The following BTNL8 variants were observed in gnomAD, a reference collection of about 807,000 sequenced individuals.
BTNL8 encodes butyrophilin-like protein 8.
BTNL8 carries 22 observed loss-of-function variants against 36.1 expected under a neutral mutation model. The ratio of observed to expected loss-of-function variants is 0.61; its 90% CI spans 0.44 to 0.87. BTNL8 has a LOEUF of 0.87. Ranked by LOEUF, BTNL8 falls within the 40% of genes least tolerant of loss-of-function variation. The probability of loss-of-function intolerance (pLI) is 0.00; values close to 1 mark genes in which losing one functional copy is unlikely to be tolerated. For missense variants in BTNL8, 526 were observed against 616.9 expected, an observed-to-expected ratio of 0.85 and a Z score of 1.56; for synonymous variants, 203 against 235.6, an observed-to-expected ratio of 0.86 and a Z score of 1.27.
intron 3 of BTNL8, among the ~76,000 whole-genome samples, chr5:180,914,480 G>A (rs1424254476): frequency 6.6e-6 from 1 of 152,158 alleles, no homozygotes; most frequent in African/African-American, 2.4e-5. Context: ...TGATTCAAAC[G>A]ATGATTTCTA....
chr5:180,908,701 C>A lies in BTNL8; in HGVS notation c.165C>A (p.Phe55Leu). The A allele has an allele frequency of 6.2e-7, 1 of 1,614,218 alleles. No homozygotes were observed. Among genetic ancestry groups the A allele is most frequent in the Non-Finnish European group, 8.5e-7 (1 of 1,180,034 alleles). The change falls in exon 2 of 8, where the codon TTC (phenylalanine) becomes TTA (leucine). Residue 55 changes from phenylalanine to leucine, a missense_variant. Physicochemically the swap from Phe to Leu is conservative, Grantham distance 22. Coordinates refer to ENST00000340184, the MANE Select transcript of BTNL8 (RefSeq NM_001040462.3). ...ATGCAGAGGCCATGGAAGTGCGGTTCTTCAGGGGCCAGTTCTCTAGCGTGG... is the reference window on the plus strand; with the variant it reads ...ATGCAGAGGCCATGGAAGTGCGGTTATTCAGGGGCCAGTTCTCTAGCGTGG... Reference protein sequence around the residue: ...KTNAEAMEVRFFRGQFSSVVH... With the variant: ...KTNAEAMEVRLFRGQFSSVVH...
chr5:180,925,350 A>G (rs532307753), intron 3 of BTNL8, among the ~76,000 whole-genome samples: 16 of 152,226 alleles, frequency 1.1e-4, no homozygotes, highest in Non-Finnish European at 1.8e-4. Context: ...ACCAAGATAT[A>G]TCATATTCCA....
chr5:180,900,838 C>T (rs1244642582), intron 1 of BTNL8, among the ~76,000 whole-genome samples: 1 of 152,234 alleles, frequency 6.6e-6, no homozygotes, highest in Non-Finnish European at 1.5e-5. Context: ...TAGATGGTGG[C>T]TCAGAGTCAT....
intron 2 of BTNL8, among the ~76,000 whole-genome samples, chr5:180,910,762 C>T (rs1001422516): frequency 1.3e-5 from 2 of 152,098 alleles, no homozygotes; most frequent in African/African-American, 2.4e-5. Flanking sequence ...TCTTAGTATC[C>T]AGTATCTTAC....
At chr5:180,941,102 A>AAGGG (rs1288570270) in intron 3 of BTNL8, among the ~76,000 whole-genome samples, 1,058 of 89,996 alleles carry the variant, frequency 0.012, 14 homozygotes, top group African/African-American at 0.032. Context: ...GGGAGGGAGG[A>AAGGG]AGGAAGGGAG....
chr5:180,927,538 TA>T (rs1358488287), intron 3 of BTNL8, among the ~76,000 whole-genome samples: 1 of 152,068 alleles, frequency 6.6e-6, no homozygotes, highest in African/African-American at 2.4e-5. Context: ...TCCTTTGAGC[TA>T]AAGGAGCATG....
At chr5:180,899,912 G>A (rs938800299) in intron 1 of BTNL8, among the ~76,000 whole-genome samples, 1 of 152,174 alleles carries the variant, frequency 6.6e-6, no homozygotes, top group Non-Finnish European at 1.5e-5. Flanking sequence ...TTGAGTGACT[G>A]AATACAATTC....
In BTNL8 at chr5:180,908,667, C is replaced by G. The variant is rs746214385; in HGVS notation, c.131C>G (p.Pro44Arg). 1 of 1,614,206 alleles carries G rather than the reference C, an allele frequency of 6.2e-7. No individual in the cohort carries two copies. The highest frequency in any genetic ancestry group is 8.5e-7 in the Non-Finnish European group (1 of 1,180,044). The part of the protein sequence containing the change: ...EDAAFSCFLS[P>R]KTNAEAMEVR... ...GCAGCATTCTCCTGTTTCCTGTCTC[C>G]TAAGACCAATGCAGAGGCCATGGAA... Residue 44 changes from proline (P) to arginine (R), a missense_variant, in exon 2 of 8, where the codon CCT (proline) becomes CGT (arginine). By Grantham distance (103) the Pro-to-Arg change is moderately radical. Around this residue, in one of 2 missense-constraint regions of BTNL8, gnomAD observed 350 missense variants for 324.6 expected, o/e 1.08. Transcript: ENST00000340184.
At position 180,908,675 on chromosome 5, in the gene BTNL8, A is replaced by G. The variant is rs1159793107; in HGVS notation, c.139A>G (p.Asn47Asp). ...CTCCTGTTTCCTGTCTCCTAAGACC[A>G]ATGCAGAGGCCATGGAAGTGCGGTT... ...AFSCFLSPKTNAEAMEVRFFR... is the reference protein window; with the variant it reads ...AFSCFLSPKTDAEAMEVRFFR... Residue 47 changes from asparagine (N) to aspartate (D), a missense_variant, in exon 2 of 8, where the codon AAT becomes GAT. Asn to Asp is a conservative substitution (Grantham distance 23, BLOSUM62 1). Coordinates refer to ENST00000340184, the MANE Select transcript of BTNL8 (RefSeq NM_001040462.3). 1 of 1,614,212 alleles carries G rather than the reference A, an allele frequency of 6.2e-7. No individual in the cohort carries two copies. The highest frequency in any genetic ancestry group is 1.7e-5 in the Admixed American group (1 of 60,024).
intron 3 of BTNL8, among the ~76,000 whole-genome samples, chr5:180,946,336 T>G (rs1373072875): frequency 6.6e-6 from 1 of 152,200 alleles, no homozygotes; most frequent in Non-Finnish European, 1.5e-5. Flanking sequence ...GCTGTATTAC[T>G]CACAATTGCT....
At chr5:180,899,693 A>G (rs1199442118) in intron 1 of BTNL8, among the ~76,000 whole-genome samples, 1 of 152,208 alleles carries the variant, frequency 6.6e-6, no homozygotes, top group Non-Finnish European at 1.5e-5. Flanking sequence ...ATCTGGGAAG[A>G]GACACAGTTA....
chr5:180,918,386 CAT>C (rs1389157499), intron 3 of BTNL8, among the ~76,000 whole-genome samples: 1 of 152,068 alleles, frequency 6.6e-6, no homozygotes, highest in Admixed American at 6.6e-5. Flanking sequence ...TAATATATGA[CAT>C]TAACAGAATG....
Position 180,908,610 on chromosome 5 carries a change from A to G in BTNL8, c.74A>G (p.Asp25Gly). 1 of 1,614,146 alleles carries G rather than the reference A, an allele frequency of 6.2e-7. No individual in the cohort carries two copies. The highest frequency in any genetic ancestry group is 8.5e-7 in the Non-Finnish European group (1 of 1,179,988). ...GGGCAGTGGCAGGTGTTTGGGCCAG[A>G]CAAGCCTGTCCAGGCCTTGGTGGGG... ...GSGQWQVFGPDKPVQALVGED... is the reference protein window; with the variant it reads ...GSGQWQVFGPGKPVQALVGED... Residue 25 changes from aspartate (D) to glycine (G), a missense_variant, in exon 2 of 8, where the codon GAC becomes GGC. Physicochemically the swap from Asp to Gly is moderately conservative, Grantham distance 94. This residue lies in a region of BTNL8 where 350 missense variants were observed against 324.6 expected (regional missense o/e 1.08). Coordinates refer to ENST00000340184, the MANE Select transcript of BTNL8 (RefSeq NM_001040462.3).
At chr5:180,920,243 C>CA (rs1757803060) in intron 3 of BTNL8, among the ~76,000 whole-genome samples, 1 of 152,088 alleles carries the variant, frequency 6.6e-6, no homozygotes. Context: ...GGCATAAAAA[C>CA]AGACATATAG....
intron 3 of BTNL8, among the ~76,000 whole-genome samples, chr5:180,922,453 A>C (rs1311579746): frequency 3.3e-5 from 5 of 151,484 alleles, no homozygotes; most frequent in East Asian, 1.9e-4. Context: ...TTATTTACCC[A>C]AAAGTCATTC....
At chr5:180,933,756 A>G (rs962602764) in intron 3 of BTNL8, among the ~76,000 whole-genome samples, 10 of 152,148 alleles carry the variant, frequency 6.6e-5, no homozygotes, top group Non-Finnish European at 1.2e-4. Flanking sequence ...AATTACATCC[A>G]AAGAACAGAA....
At chr5:180,928,189 T>G (rs908276368) in intron 3 of BTNL8, among the ~76,000 whole-genome samples, 3 of 152,172 alleles carry the variant, frequency 2.0e-5, no homozygotes, top group African/African-American at 7.2e-5. Context: ...TCAACATTCT[T>G]AAAGAAATGG....
Position 180,911,620 on chromosome 5 carries a change from T to A in BTNL8, c.673+6T>A. 6.3e-7 allele frequency: 1 copy of A among 1,597,032 alleles called. No individual in the cohort carries two copies. The highest frequency in any genetic ancestry group is 8.6e-7 in the Non-Finnish European group (1 of 1,166,976). On this transcript the variant is annotated splice_donor_region_variant and intron_variant, in intron 3 of 7. Coordinates refer to ENST00000340184, the MANE Select transcript of BTNL8 (RefSeq NM_001040462.3). Reference sequence around the variant, plus strand: ...ATCCAGGGTACAGATAGGAGGTGAGTAGGGAGGGGAGGAGAAGAGAAGGAG... The same window carrying A: ...ATCCAGGGTACAGATAGGAGGTGAGAAGGGAGGGGAGGAGAAGAGAAGGAG...
At chr5:180,944,250 G>A (rs1759126604) in intron 3 of BTNL8, among the ~76,000 whole-genome samples, 1 of 152,188 alleles carries the variant, frequency 6.6e-6, no homozygotes, top group Admixed American at 6.5e-5. Context: ...ATGTTCTGGT[G>A]TCCTGTTGCA....
Sources: gnomAD v4.1 joint callset for allele counts (sites outside exome capture counted in the v4.1 genomes callset) on GRCh38, gnomAD v4.1.1 for gene constraint, gnomAD v4.1.1 regional missense constraint, MANE v1.5 for transcripts, NCBI Gene and HGNC (gene_info 2026-07-23, HGNC 2026-07-21) for gene names.